GRHPR: variants seen among roughly 807,000 people sequenced by gnomAD.
GRHPR encodes glyoxylate and hydroxypyruvate reductase, also known as glyoxylate reductase/hydroxypyruvate reductase.
Under a neutral mutation model 36.8 loss-of-function variants are expected in GRHPR, and 35 were observed. The ratio of observed to expected loss-of-function variants is 0.95; its 90% CI spans 0.73 to 1.26. GRHPR has a LOEUF of 1.26. GRHPR is among the 50% of genes most tolerant of loss of function. The pLI is 0.00. For synonymous variants in GRHPR, 179 were observed against 181.0 expected, an observed-to-expected ratio of 0.99 and a Z score of 0.09; for missense variants, 380 against 435.0, an observed-to-expected ratio of 0.87 and a Z score of 1.12.
At chr9:37,431,292 A>T (rs995033384) in intron 7 of GRHPR, 1 of 332,444 alleles carries the variant, frequency 3.0e-6, no homozygotes, top group Non-Finnish European at 6.0e-6. Flanking sequence ...AATTACCAAC[A>T]TTTAGCTACA....
chr9:37,428,374 C>A, intron 4 of GRHPR, 110 bp from the exon 5 acceptor site: 1 of 753,532 alleles, frequency 1.3e-6, no homozygotes, highest in Non-Finnish European at 2.4e-6. Context: ...CAGTCCGTGA[C>A]CTGGAGGGTG....
At position 37,432,297 on chromosome 9, in the gene GRHPR, G is replaced by A. The variant is rs1823408503; in HGVS notation, c.865+159G>A. On this transcript the variant is annotated intron_variant, in intron 8 of 8. Transcript: ENST00000318158. The stretch of plus-strand genomic sequence containing the variant: ...AATGTTTATGTTGTCAGTGACATGG[G>A]TGTATGACAGGAGCAGTCCTCTTGC... 25 of 694,342 alleles carry A rather than the reference G, an allele frequency of 3.6e-5. No homozygotes were observed. In the Middle Eastern group the frequency reaches 1.6e-3, roughly 44 times the overall value. 43.0% of individuals were successfully genotyped at this position (694,342 alleles called of 1,614,324 possible).
intron 4 of GRHPR, 31 bp downstream of exon 4, chr9:37,426,685 C>T (rs966182348): frequency 2.3e-6 from 3 of 1,291,054 alleles, no homozygotes; most frequent in African/African-American, 1.5e-5. Context: ...TGCGGTGGCT[C>T]ACGGCTGTAA....
Position 37,429,852 on chromosome 9 carries a change from A to C in GRHPR, c.598+16A>C, listed in dbSNP as rs1471499136. On this transcript the variant is annotated intron_variant, in intron 6 of 8. Transcript: ENST00000318158. ...GCAGAGTTTGGTAAGTGAAGCCTTG[A>C]TTTCCACAGGAGCCTATCTGTGCCC... 2 of 1,404,894 alleles carry C rather than the reference A, an allele frequency of 1.4e-6. No individual in the cohort carries two copies. The highest frequency in any genetic ancestry group is 1.7e-5 in the Admixed American group (1 of 59,760). The allele number at this position is 1,404,894 out of a possible 1,614,324, so 87.0% of individuals were successfully genotyped here.
At chr9:37,422,622 A>C, upstream of GRHPR, 1 of 753,246 alleles carries the variant, frequency 1.3e-6, no homozygotes, top group Admixed American at 2.1e-5. Flanking sequence ...CCTCTCGCGA[A>C]GCCACACCCC....
At chr9:37,429,857 C>T (rs1425790617) in intron 6 of GRHPR, 21 bp downstream of exon 6, 1 of 1,361,612 alleles carries the variant, frequency 7.3e-7, no homozygotes, top group Admixed American at 1.7e-5. Context: ...CCTTGATTTC[C>T]ACAGGAGCCT....
intron 2 of GRHPR, 56 bp from the exon 3 acceptor site, chr9:37,425,866 C>A: frequency 9.0e-7 from 1 of 1,113,582 alleles, no homozygotes; most frequent in Non-Finnish European, 1.4e-6. Flanking sequence ...GTCCCCAGTG[C>A]TGTGGCTTTG....
At chr9:37,422,606 G>C (rs527529849), upstream of GRHPR, 5 of 697,734 alleles carry the variant, frequency 7.2e-6, no homozygotes, top group East Asian at 2.7e-5. Context: ...CCGCAACCCG[G>C]CGCTCCCTCT....
intron 1 of GRHPR, among the ~76,000 whole-genome samples, chr9:37,423,477 G>A (rs1474334971): frequency 1.3e-5 from 2 of 148,926 alleles, no homozygotes; most frequent in Non-Finnish European, 3.0e-5. Flanking sequence ...CTGGCCTGAG[G>A]ACCCTTTAAT....
chr9:37,430,358 T>G (rs1823299567), intron 6 of GRHPR, 153 bp from the exon 7 acceptor site: 3 of 730,422 alleles, frequency 4.1e-6, no homozygotes, highest in Non-Finnish European at 7.4e-6. Flanking sequence ...TTTGACTTTG[T>G]GCACTCATGA....
rs979848838 is a variant in GRHPR, at chr9:37,422,850, C to T, written c.83+17C>T. 6.4e-7 allele frequency: 1 copy of T among 1,565,602 alleles called. No homozygotes were observed. The highest frequency in any genetic ancestry group is 1.4e-5 in the African/African-American group (1 of 73,822). ...GGCGGCAGAGTAAGAGCCTCGCGCG[C>T]CGTGGAGGAGGGAGCAGGGCGGTCC... is the stretch of plus-strand genomic sequence containing the variant. On this transcript the variant is annotated intron_variant, in intron 1 of 8. Transcript: ENST00000318158.
Position 37,436,927 on chromosome 9 carries a change from C to T in GRHPR, c.*145C>T. 1 of 888,252 alleles carries T rather than the reference C, an allele frequency of 1.1e-6. No individual in the cohort carries two copies. Among genetic ancestry groups the T allele is most frequent in the Non-Finnish European group, 1.9e-6 (1 of 539,034 alleles). The allele number at this position is 888,252 out of a possible 1,614,324, so 55.0% of individuals were successfully genotyped here. A position where few individuals can be genotyped will look rare whatever the true frequency, so the allele number is the denominator to read the frequency against. ...GTGATTCTGATATATGTACTTGTCA[C>T]ATTGGTGTTGGACACATTTGCGCCA... On this transcript the variant is annotated 3_prime_UTR_variant, in exon 9 of 9. Transcript: ENST00000318158.
intron 8 of GRHPR, among the ~76,000 whole-genome samples, chr9:37,435,304 C>T (rs1182150671): frequency 6.6e-6 from 1 of 152,156 alleles, no homozygotes; most frequent in Non-Finnish European, 1.5e-5. Flanking sequence ...TTCTCCAAAC[C>T]TATCCTGACC....
rs758355273 is a variant in GRHPR at position 37,426,569 on chromosome 9, C to T, written c.319C>T (p.Leu107=). The T allele has an allele frequency of 6.2e-7, 1 of 1,613,546 alleles. No homozygotes were observed. Among genetic ancestry groups the T allele is most frequent in the Admixed American group, 1.7e-5 (1 of 60,014 alleles). ...CCGAGTTGGCTACACCCCAGATGTC[C>T]TGACAGATACCACCGCCGAACTCGC... is the stretch of plus-strand genomic sequence containing the variant. ...GIRVGYTPDV[L]TDTTAELAVS... Residue 107 remains leucine (L), a synonymous_variant, in exon 4 of 9, where the codon CTG becomes TTG. Coordinates refer to ENST00000318158, the MANE Select transcript of GRHPR (RefSeq NM_012203.2).
chr9:37,422,794 T>C lies in GRHPR; in HGVS notation c.44T>C (p.Ile15Thr), dbSNP rs758553267. The change falls in exon 1 of 9, where the codon ATA (isoleucine) becomes ACA (threonine). Residue 15 changes from isoleucine to threonine, a missense_variant. Transcript: ENST00000318158. The part of the protein sequence containing the change: ...RLMKVFVTRR[I>T]PAEGRVALAR... ...ATGAAGGTGTTCGTCACCCGCAGGATACCCGCCGAGGGTAGGGTCGCGCTC... is the reference window on the plus strand; with the variant it reads ...ATGAAGGTGTTCGTCACCCGCAGGACACCCGCCGAGGGTAGGGTCGCGCTC... 6.2e-7 allele frequency: 1 copy of C among 1,601,482 alleles called. No individual in the cohort carries two copies.
intron 7 of GRHPR, chr9:37,431,720 T>G: frequency 2.7e-6 from 1 of 370,810 alleles, no homozygotes; most frequent in Non-Finnish European, 5.2e-6. Flanking sequence ...TGCCTGGGAG[T>G]TAGGTGGTAT....
chr9:37,424,503 C>T (rs145868437), intron 1 of GRHPR, among the ~76,000 whole-genome samples: 5 of 152,278 alleles, frequency 3.3e-5, no homozygotes, highest in Non-Finnish European at 7.3e-5. Flanking sequence ...GGCCCCCCAC[C>T]TGAGGCACAC....
intron 3 of GRHPR, 57 bp from the exon 4 acceptor site, chr9:37,426,481 G>A (rs1823080851): frequency 6.5e-6 from 7 of 1,072,708 alleles, no homozygotes. Flanking sequence ...TGTCCCAGCA[G>A]TAGACATTGG....
chr9:37,436,674 C>T lies in GRHPR; in HGVS notation c.879C>T (p.His293=). 1 of 1,614,154 alleles carries T rather than the reference C, an allele frequency of 6.2e-7. No homozygotes were observed. Among genetic ancestry groups the T allele is most frequent in the Non-Finnish European group, 8.5e-7 (1 of 1,179,996 alleles). The change falls in exon 9 of 9, where the codon CAC becomes CAT. Residue 293 remains histidine (H), a synonymous_variant. Transcript: ENST00000318158. ...LTLKNCVILP[H]IGSATHRTRN... The stretch of plus-strand genomic sequence containing the variant: ...TCTCCTTTCCAGTGATTCTGCCCCA[C>T]ATTGGCAGTGCCACCCACAGAACCC...
Sources: allele counts gnomAD v4.1 joint callset (sites outside exome capture counted in the v4.1 genomes callset), GRCh38; gene constraint gnomAD v4.1.1; transcripts MANE v1.5; gene names NCBI Gene and HGNC (gene_info 2026-07-23, HGNC 2026-07-21).